The following MAPK6 variants were observed in gnomAD, a reference collection of about 807,000 sequenced individuals.
MAPK6 encodes ERK-3.
In MAPK6, 19 loss-of-function variants were observed where a neutral mutation model predicts 59.3. The ratio of observed to expected loss-of-function variants is 0.32; its 90% confidence interval spans 0.22 to 0.47. The LOEUF is 0.47. MAPK6 is among the 20% of genes least tolerant of loss of function. MAPK6 has a pLI of 1.00. For synonymous variants in MAPK6, 316 were observed against 290.3 expected (o/e 1.09, Z -0.90); for missense variants, 724 against 847.9 (o/e 0.85, Z 1.81).
Position 51,984,772 on chromosome 15 carries a change from G to A in MAPK6, c.-770+1457G>A, listed in dbSNP as rs1379077699. On this transcript the variant is annotated intron_variant, in intron 2 of 7. Coordinates refer to the MAPK6 transcript ENST00000691380. ...CCATGGCTGATTTCAAGCTGTCAATGTATAGTTATTGTACACACTTGGGAA... is the reference window on the plus strand; with the variant it reads ...CCATGGCTGATTTCAAGCTGTCAATATATAGTTATTGTACACACTTGGGAA... Among the ~76,000 whole-genome samples the A allele has an allele frequency of 4.6e-5, 7 of 151,420 alleles. No homozygotes were observed. The East Asian group carries it at 1.2e-3, about 25-fold the overall frequency.
chr15:51,990,902 C>T (rs1200995140), intron 2 of MAPK6, among the ~76,000 whole-genome samples: 6 of 151,948 alleles, frequency 3.9e-5, no homozygotes, highest in South Asian at 2.1e-4. Context: ...TGCAGTGAGC[C>T]GAGATCTGGC....
intron 1 of MAPK6, among the ~76,000 whole-genome samples, chr15:52,039,880 A>AG (rs1297579490): frequency 6.6e-6 from 1 of 152,182 alleles, no homozygotes; most frequent in Non-Finnish European, 1.5e-5. Context: ...TTGTCTCTGT[A>AG]GATAAGCATA....
intron 3 of MAPK6, among the ~76,000 whole-genome samples, chr15:52,054,615 C>T (rs1027972366): frequency 1.3e-5 from 2 of 151,824 alleles, no homozygotes; most frequent in Admixed American, 6.6e-5. Context: ...TCAATGGGAG[C>T]GGAGTTCAGT....
intron 4 of MAPK6, among the ~76,000 whole-genome samples, chr15:52,060,900 G>A (rs562081720): frequency 6.6e-6 from 1 of 152,258 alleles, no homozygotes; most frequent in Admixed American, 6.5e-5. Context: ...TCTACTTTAT[G>A]CATGAAGAAA....
chr15:51,977,010 T>A (rs1019345261), intron 1 of MAPK6, among the ~76,000 whole-genome samples: 1 of 151,394 alleles, frequency 6.6e-6, no homozygotes, highest in Non-Finnish European at 1.5e-5. Flanking sequence ...TATTATTATT[T>A]TTGGGGGAAG....
In MAPK6 at chr15:52,025,315, C is replaced by G. The variant is rs572265382; in HGVS notation, c.-632+5939C>G. On this transcript the variant is annotated intron_variant, in intron 1 of 5. Transcript: ENST00000261845. ...CAGCTCGTTAGTCTTCTGAGTTGCT[C>G]TTTCCACTGGCCCTTCTGAAAAAAG... is the stretch of plus-strand genomic sequence containing the variant. 2.6e-5 allele frequency among the ~76,000 whole-genome samples: 4 copies of G among 152,280 alleles called. No individual in the cohort carries two copies. The South Asian group carries it at 6.2e-4, about 24-fold the overall frequency.
chr15:51,994,064 G>A (rs1352088579), intron 2 of MAPK6, among the ~76,000 whole-genome samples: 3 of 152,010 alleles, frequency 2.0e-5, no homozygotes, highest in Admixed American at 6.6e-5. Context: ...GGGTTCAAGC[G>A]ATTCTCCTGC....
rs187334459 is a variant in MAPK6, at chr15:52,054,398, T to C, written c.701-4235T>C. 3.9e-3 allele frequency among the ~76,000 whole-genome samples: 590 copies of C among 152,094 alleles called. 2 individuals carry two copies. Among genetic ancestry groups the C allele is most frequent in the Admixed American group, 6.7e-3 (102 of 15,256 alleles). On this transcript the variant is annotated intron_variant, in intron 3 of 5. Coordinates refer to ENST00000261845, the MANE Select transcript of MAPK6 (RefSeq NM_002748.4). ...TGGGTGGGACGGGAAGGGATTAACT[T>C]TTACACATTCTTTTGCATGTGGACA...
At chr15:52,029,535 A>G (rs2030948461) in intron 1 of MAPK6, among the ~76,000 whole-genome samples, 1 of 152,166 alleles carries the variant, frequency 6.6e-6, no homozygotes, top group African/African-American at 2.4e-5. Flanking sequence ...CAGACATATT[A>G]TCCAACTGCC....
chr15:52,008,532 A>G (rs2029971438), intron 3 of MAPK6, among the ~76,000 whole-genome samples: 1 of 152,240 alleles, frequency 6.6e-6, no homozygotes, highest in African/African-American at 2.4e-5. Context: ...ATACATGAAC[A>G]GGGTGGCAGG....
At chr15:51,986,703 T>C (rs1296327154) in intron 2 of MAPK6, among the ~76,000 whole-genome samples, 1 of 152,194 alleles carries the variant, frequency 6.6e-6, no homozygotes, top group Non-Finnish European at 1.5e-5. Context: ...ATTCACTCTT[T>C]TATATTTTCC....
At chr15:51,999,751 C>T (rs2057237058) in intron 2 of MAPK6, among the ~76,000 whole-genome samples, 1 of 152,168 alleles carries the variant, frequency 6.6e-6, no homozygotes, top group East Asian at 1.9e-4. Context: ...TTAAGCCAGC[C>T]TTCCATCTCA....
intron 1 of MAPK6, among the ~76,000 whole-genome samples, chr15:52,027,255 C>G (rs1370340582): frequency 7.2e-6 from 1 of 138,972 alleles, no homozygotes; most frequent in Non-Finnish European, 1.5e-5. Flanking sequence ...GAGGCTGAGA[C>G]AGAAAAATTG....
At chr15:52,060,835 T>TA (rs1233486825) in intron 4 of MAPK6, among the ~76,000 whole-genome samples, 1 of 152,206 alleles carries the variant, frequency 6.6e-6, no homozygotes, top group Non-Finnish European at 1.5e-5. Context: ...GGGCTTTTAT[T>TA]ACATACCAGA....
intron 1 of MAPK6, among the ~76,000 whole-genome samples, chr15:52,023,767 A>G (rs765401704): frequency 1.3e-4 from 20 of 152,196 alleles, no homozygotes; most frequent in Non-Finnish European, 2.8e-4. Context: ...GCGCACCACC[A>G]TGACCAGCTA....
chr15:52,027,582 C>G (rs1690767988), intron 1 of MAPK6: 1 of 147,430 alleles, frequency 6.8e-6, no homozygotes. Flanking sequence ...CATTTGTGCT[C>G]TGGATGTCTT....
chr15:52,003,605 G>C (rs570088881), intron 2 of MAPK6, among the ~76,000 whole-genome samples: 2 of 152,356 alleles, frequency 1.3e-5, no homozygotes, highest in South Asian at 4.1e-4. Context: ...TATCATGTCA[G>C]CAATTGACTC....
intron 2 of MAPK6, among the ~76,000 whole-genome samples, chr15:51,985,906 C>T (rs1235971580): frequency 6.6e-6 from 1 of 151,092 alleles, no homozygotes; most frequent in Admixed American, 6.6e-5. Flanking sequence ...TGCAGTGAGC[C>T]GAGATCGCTC....
intron 1 of MAPK6, 129 bp from the exon 2 acceptor site, chr15:52,045,701 A>C (rs1010113128): frequency 2.0e-5 from 3 of 152,598 alleles, no homozygotes; most frequent in African/African-American, 7.2e-5. Flanking sequence ...TTGTCACTTA[A>C]TGACCATAAT....
Sources: allele counts gnomAD v4.1 joint callset (sites outside exome capture counted in the v4.1 genomes callset), GRCh38; gene constraint gnomAD v4.1.1; transcripts MANE v1.5; gene names NCBI Gene and HGNC (gene_info 2026-07-23, HGNC 2026-07-21).